Variants in NSMCE4A observed in about 807,000 individuals in gnomAD.
The protein encoded by NSMCE4A is NSE4A component of SMC5/6 complex.
NSMCE4A carries 40 observed loss-of-function variants against 47.9 expected under a neutral mutation model. That is an observed-to-expected ratio of 0.83 (90% CI 0.65 to 1.09). The LOEUF is 1.09. Among genes scored for constraint, NSMCE4A ranks in the 50% least tolerant of loss-of-function variants. The pLI, the probability that NSMCE4A is intolerant of heterozygous loss-of-function variation, is 0.00. For missense variants in NSMCE4A, 500 were observed against 507.0 expected (o/e 0.99, Z 0.13); for synonymous variants, 166 against 178.5 (o/e 0.93, Z 0.56).
chr10:121,974,548 G>A (rs928675078), intron 1 of NSMCE4A: 3 of 1,015,718 alleles, frequency 3.0e-6, no homozygotes, highest in Non-Finnish European at 3.5e-6. Flanking sequence ...GAGGACTGCC[G>A]GGCGCAATCA....
chr10:121,965,117 C>G (rs12244199), intron 5 of NSMCE4A, among the ~76,000 whole-genome samples, 169 bp downstream of exon 5: 20,294 of 152,180 alleles, frequency 0.13, 1,572 homozygotes, highest in Middle Eastern at 0.18. Context: ...CAAAGACAAG[C>G]AGCCAATCCA....
intron 5 of NSMCE4A, 72 bp from the exon 6 acceptor site, chr10:121,963,400 C>G: frequency 1.2e-6 from 1 of 821,752 alleles, no homozygotes; most frequent in East Asian, 2.5e-5. Context: ...TCTTGCACAC[C>G]CAAACTCCTT....
chr10:121,961,673 C>T, intron 6 of NSMCE4A, 156 bp from the exon 7 acceptor site: 2 of 513,238 alleles, frequency 3.9e-6, no homozygotes, highest in Non-Finnish European at 6.9e-6. Context: ...GGCATCTCTA[C>T]TAAAAACATG....
intron 2 of NSMCE4A, among the ~76,000 whole-genome samples, chr10:121,972,422 T>C (rs1411981386): frequency 6.6e-6 from 1 of 152,154 alleles, no homozygotes; most frequent in Non-Finnish European, 1.5e-5. Flanking sequence ...CTCCCATGAG[T>C]ATCCTGTGCC....
chr10:121,960,249 T>C lies in NSMCE4A; in HGVS notation c.988+109A>G, dbSNP rs1952474199. 1.3e-5 allele frequency: 10 copies of C among 753,760 alleles called. No individual in the cohort carries two copies. The highest frequency in any genetic ancestry group is 1.8e-5 in the Non-Finnish European group (9 of 509,106). 46.7% of individuals were successfully genotyped at this position (753,760 alleles called of 1,614,324 possible). A position where few individuals can be genotyped will look rare whatever the true frequency, so the allele number is the denominator to read the frequency against. On this transcript the variant is annotated intron_variant, in intron 8 of 10. Transcript: ENST00000369023. The surrounding 1 kb of genome is among the most constrained non-coding windows in gnomAD (Gnocchi z 4.2). ...GGTAGTTGAGCAAGATACAATATTGTAAAAGTTAATCTACATTGAAAATTC... is the reference window on the plus strand; with the variant it reads ...GGTAGTTGAGCAAGATACAATATTGCAAAAGTTAATCTACATTGAAAATTC...
In NSMCE4A at chr10:121,974,861, G is replaced by A. The variant is rs1952787960; in HGVS notation, c.292+13C>T. The A allele has an allele frequency of 1.4e-6, 2 of 1,461,896 alleles. No homozygotes were observed. Among genetic ancestry groups the A allele is most frequent in the Non-Finnish European group, 1.8e-6 (2 of 1,107,464 alleles). 90.6% of individuals were successfully genotyped at this position (1,461,896 alleles called of 1,614,324 possible). A position where few individuals can be genotyped will look rare whatever the true frequency, so the allele number is the denominator to read the frequency against. ...CCCGTCCGGGCCCGCGCCGCCCGGA[G>A]GCGCCGCCTTACGTTGGACGGAGTT... is the stretch of plus-strand genomic sequence containing the variant. On this transcript the variant is annotated intron_variant, in intron 1 of 10. Coordinates refer to ENST00000369023, the MANE Select transcript of NSMCE4A (RefSeq NM_017615.3).
At chr10:121,965,419 G>C in intron 4 of NSMCE4A, 34 bp from the exon 5 acceptor site, 1 of 1,538,762 alleles carries the variant, frequency 6.5e-7, no homozygotes, top group Non-Finnish European at 8.9e-7. Context: ...TATTTTTTTT[G>C]CCTGTTGTTT....
intron 4 of NSMCE4A, chr10:121,965,731 T>C (rs951046488): frequency 1.5e-5 from 3 of 196,330 alleles, no homozygotes; most frequent in Non-Finnish European, 3.1e-5. Context: ...AGGATGAACA[T>C]GTATGTGGGG....
rs928470665 is a variant in NSMCE4A, at chr10:121,974,719, T to G, written c.292+155A>C. ...AAGTGGGAGCACTTTGTCAACAATT[T>G]AAGGTGCGGCGAGGGGCTGGCACCC... is the stretch of plus-strand genomic sequence containing the variant. On this transcript the variant is annotated intron_variant, in intron 1 of 10. Coordinates refer to ENST00000369023, the MANE Select transcript of NSMCE4A (RefSeq NM_017615.3). The G allele has an allele frequency of 9.7e-6, 11 of 1,135,524 alleles. No individual in the cohort carries two copies. The African/African-American group carries it at 1.1e-4, about 12-fold the overall frequency. 70.3% of individuals were successfully genotyped at this position (1,135,524 alleles called of 1,614,324 possible).
rs1565001122 is a variant in NSMCE4A at position 121,974,014 on chromosome 10, CAG to C, written c.358_359del (p.Leu120ValfsTer2). 2 of 1,595,336 alleles carry C rather than the reference CAG, an allele frequency of 1.3e-6. No homozygotes were observed. The highest frequency in any genetic ancestry group is 1.1e-5 in the South Asian group (1 of 89,250). On this transcript the variant is annotated frameshift_variant, in exon 2 of 11. Transcript: ENST00000369023. LOFTEE classifies it high-confidence loss of function. ...AAAATAACAAATTACCTTCATTAAA[CAG>C]AGTGTTAGCCTCTTCAAGGACCTCT... ...LTEVLEEANTLFNEVSRAREA... is the reference protein window; with the variant it reads ...LTEVLEEANTXFNEVSRAREA...
chr10:121,967,558 G>T, intron 4 of NSMCE4A, 97 bp downstream of exon 4: 1 of 1,294,640 alleles, frequency 7.7e-7, no homozygotes, highest in Non-Finnish European at 1.1e-6. Context: ...CATCATGACT[G>T]TCACCTCTAC....
At chr10:121,974,119 G>C in intron 1 of NSMCE4A, 38 bp from the exon 2 acceptor site, 1 of 1,522,806 alleles carries the variant, frequency 6.6e-7, no homozygotes, top group East Asian at 2.4e-5. Context: ...AATTTGTTCA[G>C]CATTCACTAA....
intron 5 of NSMCE4A, among the ~76,000 whole-genome samples, chr10:121,964,943 G>A (rs1402697763): frequency 5.3e-5 from 8 of 152,116 alleles, no homozygotes; most frequent in Admixed American, 1.3e-4. Flanking sequence ...CAGGGGTCGG[G>A]GGGGCTATTA....
Position 121,971,156 on chromosome 10 carries a change from A to G in NSMCE4A, c.371-87T>C, listed in dbSNP as rs561683373. On this transcript the variant is annotated intron_variant, in intron 2 of 10. Transcript: ENST00000369023. ...CCTACATTTCCAACTACTTACCAGG[A>G]TTTCCCACTGGACTAAAAAAAAAAA... 13 of 1,044,694 alleles carry G rather than the reference A, an allele frequency of 1.2e-5. No homozygotes were observed. The South Asian group carries it at 2.0e-4, about 16-fold the overall frequency. The allele number at this position is 1,044,694 out of a possible 1,614,324, so 64.7% of individuals were successfully genotyped here.
chr10:121,967,922 G>A, intron 3 of NSMCE4A, 116 bp from the exon 4 acceptor site: 2 of 978,222 alleles, frequency 2.0e-6, no homozygotes, highest in South Asian at 1.7e-5. Flanking sequence ...AGCTTTCAGT[G>A]TCTTAACATG....
At chr10:121,973,589 A>G (rs529748651) in intron 2 of NSMCE4A, among the ~76,000 whole-genome samples, 2 of 152,320 alleles carry the variant, frequency 1.3e-5, no homozygotes, top group East Asian at 1.9e-4. Context: ...ACGTGGACCA[A>G]TAGCAGGGAG....
Position 121,959,427 on chromosome 10 carries a change from A to G in NSMCE4A, c.1084-17T>C, listed in dbSNP as rs1952457650. Reference sequence around the variant, plus strand: ...CACAATCTCCTGGCAGACAATAATGAACATTTAGGCACTGGGCTTACTGCA... The same window carrying G: ...CACAATCTCCTGGCAGACAATAATGGACATTTAGGCACTGGGCTTACTGCA... On this transcript the variant is annotated splice_polypyrimidine_tract_variant and intron_variant, in intron 9 of 10. Coordinates refer to ENST00000369023, the MANE Select transcript of NSMCE4A (RefSeq NM_017615.3). 6.2e-7 allele frequency: 1 copy of G among 1,614,036 alleles called. No homozygotes were observed. The highest frequency in any genetic ancestry group is 8.5e-7 in the Non-Finnish European group (1 of 1,179,904).
At chr10:121,973,902 A>AT (rs779879924) in intron 2 of NSMCE4A, 102 bp downstream of exon 2, 27 of 790,074 alleles carry the variant, frequency 3.4e-5, no homozygotes, top group Non-Finnish European at 5.6e-5. Flanking sequence ...GGAAAGCACT[A>AT]TTACAAATGT....
chr10:121,965,375 T>C lies in NSMCE4A; in HGVS notation c.664A>G (p.Ile222Val), dbSNP rs148221460. 7.4e-6 allele frequency: 12 copies of C among 1,611,194 alleles called. No individual in the cohort carries two copies. The highest frequency in any genetic ancestry group is 5.1e-5 in the Admixed American group (3 of 59,270). ...TTTGGCACAGGGCACTCTCCGTATA[T>C]TGAACCCAACCTAATGAAAAGTATG... Reference protein sequence around the residue: ...THTFHFLLGSIYGECPVPKPR... With the variant: ...THTFHFLLGSVYGECPVPKPR... The change falls in exon 5 of 11, where the codon ATA becomes GTA. Residue 222 changes from isoleucine (I) to valine (V), a missense_variant. Coordinates refer to ENST00000369023, the MANE Select transcript of NSMCE4A (RefSeq NM_017615.3).
Sources: allele counts gnomAD v4.1 joint callset (sites outside exome capture counted in the v4.1 genomes callset), GRCh38; gene constraint gnomAD v4.1.1; non-coding constraint Gnocchi (gnomAD v3.1); transcripts MANE v1.5; gene names NCBI Gene and HGNC (gene_info 2026-07-23, HGNC 2026-07-21).